The following FCHSD2 variants were observed in gnomAD, a reference collection of about 807,000 sequenced individuals.
FCHSD2 encodes FCH and double SH3 domains 2.
A neutral mutation model predicts 108.1 loss-of-function variants in FCHSD2; 38 were observed. The observed-to-expected ratio is 0.35, with a 90% confidence interval of 0.27 to 0.46. The LOEUF is 0.46. FCHSD2 is among the 20% of genes least tolerant of loss of function. FCHSD2 has a pLI of 1.00. For synonymous variants in FCHSD2, 279 were observed against 314.7 expected (o/e 0.89, Z 1.20); for missense variants, 751 against 897.8 (o/e 0.84, Z 2.09).
intron 12 of FCHSD2, among the ~76,000 whole-genome samples, chr11:72,877,664 T>C (rs1854997707): frequency 6.6e-6 from 1 of 152,182 alleles, no homozygotes; most frequent in Admixed American, 6.5e-5. Flanking sequence ...GCAATATTTA[T>C]GTTGTAGTTC....
intron 13 of FCHSD2, among the ~76,000 whole-genome samples, chr11:72,855,142 G>A (rs1361156952): frequency 3.3e-5 from 5 of 152,106 alleles, no homozygotes; most frequent in East Asian, 1.9e-4. Context: ...GTGTGGTGGC[G>A]CATGCCTATA....
Position 73,011,061 on chromosome 11 carries a change from T to C in FCHSD2, c.242+4748A>G, listed in dbSNP as rs77004023. ...CTGTGATTGTAGTGGCAGGGGTGGG[T>C]AGAACCAACCTCAGGCCCCCTAGAG... On this transcript the variant is annotated intron_variant, in intron 4 of 19. Coordinates refer to ENST00000409418, the MANE Select transcript of FCHSD2 (RefSeq NM_014824.3). Among the ~76,000 whole-genome samples the C allele has an allele frequency of 5.7e-3, 869 of 151,640 alleles. 12 individuals carry two copies. Among genetic ancestry groups the C allele is most frequent in the African/African-American group, 0.02 (828 of 41,360 alleles).
chr11:73,090,062 A>C (rs1292059479), intron 2 of FCHSD2, among the ~76,000 whole-genome samples: 1 of 152,142 alleles, frequency 6.6e-6, no homozygotes, highest in Non-Finnish European at 1.5e-5. Flanking sequence ...GTAACTGAAA[A>C]TTCTCAGGGA....
intron 8 of FCHSD2, among the ~76,000 whole-genome samples, chr11:72,964,922 G>A (rs1041814284): frequency 6.6e-6 from 1 of 151,272 alleles, no homozygotes. Context: ...CCCGAGTAGC[G>A]GGGACTACAG....
At chr11:73,011,330 C>G (rs1353869961) in intron 4 of FCHSD2, among the ~76,000 whole-genome samples, 1 of 152,138 alleles carries the variant, frequency 6.6e-6, no homozygotes, top group Non-Finnish European at 1.5e-5. Flanking sequence ...AAAGGGAGGG[C>G]TACCTTCTGA....
At chr11:72,875,660 GA>G (rs1854953984) in intron 12 of FCHSD2, among the ~76,000 whole-genome samples, 4 of 152,124 alleles carry the variant, frequency 2.6e-5, no homozygotes, top group African/African-American at 9.7e-5. Context: ...TTATAGATGA[GA>G]AAAATGATTT....
At chr11:73,122,557 TAG>T (rs748651242) in intron 2 of FCHSD2, among the ~76,000 whole-genome samples, 6 of 152,210 alleles carry the variant, frequency 3.9e-5, no homozygotes, top group Admixed American at 2.0e-4. Context: ...GGCTAAGGAA[TAG>T]AGACTTAAAT....
intron 13 of FCHSD2, among the ~76,000 whole-genome samples, chr11:72,859,594 C>T (rs188969663): frequency 6.6e-6 from 1 of 152,302 alleles, no homozygotes; most frequent in East Asian, 1.9e-4. Context: ...TCGGTACTAT[C>T]TGTGACTTCA....
At chr11:72,855,064 G>A (rs984882177) in intron 13 of FCHSD2, among the ~76,000 whole-genome samples, 1 of 152,006 alleles carries the variant, frequency 6.6e-6, no homozygotes, top group Non-Finnish European at 1.5e-5. Flanking sequence ...ACCTGAGGTC[G>A]GGAGTTCGAA....
At chr11:73,094,742 G>T (rs762692886) in intron 2 of FCHSD2, among the ~76,000 whole-genome samples, 1 of 152,160 alleles carries the variant, frequency 6.6e-6, no homozygotes, top group Admixed American at 6.5e-5. Flanking sequence ...TCAGCAAATT[G>T]ATAATTGTTT....
Position 73,113,353 on chromosome 11 carries a change from C to CTTT in FCHSD2, c.119+26675_119+26677dup, listed in dbSNP as rs35979371. Among the ~76,000 whole-genome samples the CTTT allele has an allele frequency of 1.2e-3, 37 of 29,936 alleles. 4 individuals are homozygous for CTTT. Among genetic ancestry groups the CTTT allele is most frequent in the Non-Finnish European group, 2.0e-3 (32 of 16,118 alleles). The allele number at this position is 29,936 out of a possible 152,430, so 19.6% of individuals were successfully genotyped here. A position where few individuals can be genotyped will look rare whatever the true frequency, so the allele number is the denominator to read the frequency against. ...TGATCATCATGCTTCCCAAGATGGT[C>CTTT]TTTTTTTTTTTTTTTTTTTTTTTTT... On this transcript the variant is annotated intron_variant, in intron 2 of 19. Coordinates refer to ENST00000409418, the MANE Select transcript of FCHSD2 (RefSeq NM_014824.3).
At chr11:72,918,381 T>A (rs1456350903) in intron 9 of FCHSD2, among the ~76,000 whole-genome samples, 5 of 152,214 alleles carry the variant, frequency 3.3e-5, no homozygotes, top group Non-Finnish European at 7.3e-5. Flanking sequence ...TATTTCTTTT[T>A]CTTACCGAAT....
chr11:73,133,836 A>T (rs1861060377), intron 2 of FCHSD2, among the ~76,000 whole-genome samples: 2 of 151,142 alleles, frequency 1.3e-5, no homozygotes, highest in African/African-American at 4.9e-5. Context: ...TGCCAAAAGA[A>T]ACCAGTCGCA....
chr11:72,890,951 T>C (rs898576803), intron 10 of FCHSD2, among the ~76,000 whole-genome samples: 8 of 152,110 alleles, frequency 5.3e-5, no homozygotes, highest in African/African-American at 1.4e-4. Context: ...AGCAGCAAAA[T>C]TGTAGAATGA....
chr11:72,864,896 C>G (rs1854689348), intron 13 of FCHSD2, among the ~76,000 whole-genome samples: 1 of 152,108 alleles, frequency 6.6e-6, no homozygotes, highest in African/African-American at 2.4e-5. Context: ...GCTCCAGACA[C>G]CTGCAACTGA....
intron 8 of FCHSD2, among the ~76,000 whole-genome samples, chr11:72,939,418 T>C (rs1856368484): frequency 6.6e-6 from 1 of 152,104 alleles, no homozygotes. Flanking sequence ...AGTTTCAACT[T>C]CCATGTTCCA....
At chr11:73,103,360 T>TA (rs1166995607) in intron 2 of FCHSD2, among the ~76,000 whole-genome samples, 15 of 152,028 alleles carry the variant, frequency 9.9e-5, no homozygotes, top group Admixed American at 7.9e-4. Flanking sequence ...AACACTGAAA[T>TA]AAAAAAAATT....
chr11:72,900,372 G>A (rs1007753644), intron 10 of FCHSD2: 3 of 1,388,290 alleles, frequency 2.2e-6, no homozygotes, highest in Non-Finnish European at 3.0e-6. Context: ...ATAGCATAGA[G>A]TTAGAAATTT....
At chr11:73,122,021 A>G (rs993148803) in intron 2 of FCHSD2, among the ~76,000 whole-genome samples, 1 of 152,234 alleles carries the variant, frequency 6.6e-6, no homozygotes, top group Non-Finnish European at 1.5e-5. Flanking sequence ...GCTATCTACA[A>G]TATGACTGCA....
Sources: gnomAD v4.1 joint callset for allele counts (sites outside exome capture counted in the v4.1 genomes callset) on GRCh38, gnomAD v4.1.1 for gene constraint, MANE v1.5 for transcripts, NCBI Gene and HGNC (gene_info 2026-07-23, HGNC 2026-07-21) for gene names.